Variants in NPS observed in about 807,000 individuals in gnomAD.
NPS encodes the protein neuropeptide S, also known as prepro-neuropeptide S.
A neutral mutation model predicts 7.2 loss-of-function variants in NPS; 6 were observed. The ratio of observed to expected loss-of-function variants is 0.83; its 90% CI spans 0.46 to 1.64. NPS has a LOEUF of 1.64. Among genes scored for constraint, NPS ranks in the 40% most tolerant of loss-of-function variants. The pLI, the probability that NPS is intolerant of heterozygous loss-of-function variation, is 0.01. For missense variants in NPS, 123 were observed against 97.8 expected, an observed-to-expected ratio of 1.26 and a Z score of -1.09; for synonymous variants, 42 against 36.7, an observed-to-expected ratio of 1.14 and a Z score of -0.52.
In NPS at chr10:127,552,872, A is replaced by G. The variant is rs1386770029; in HGVS notation, c.*233A>G. Among the ~76,000 whole-genome samples, 3 of 152,220 alleles carry G rather than the reference A, an allele frequency of 2.0e-5. No homozygotes were observed. The highest frequency in any genetic ancestry group is 4.4e-5 in the Non-Finnish European group (3 of 68,042). On this transcript the variant is annotated 3_prime_UTR_variant, in exon 3 of 3. Coordinates refer to ENST00000398023, the MANE Select transcript of NPS (RefSeq NM_001030013.2). ...GAAAAAACAATTTATGTGGTCCATT[A>G]GTAACTTTTTCCTGAATGGGATGGA...
At chr10:127,549,645 C>A in intron 2 of NPS, 75 bp downstream of exon 2, 1 of 913,878 alleles carries the variant, frequency 1.1e-6, no homozygotes. Flanking sequence ...CAAATACTTT[C>A]AAGGAATATG....
intron 2 of NPS, among the ~76,000 whole-genome samples, chr10:127,550,563 G>A (rs896564460): frequency 5.9e-5 from 9 of 152,014 alleles, no homozygotes; most frequent in Admixed American, 4.6e-4. Flanking sequence ...TTTCCCCAAA[G>A]GTTTACTCAT....
chr10:127,549,560 C>T lies in NPS; in HGVS notation c.80C>T (p.Pro27Leu), dbSNP rs1844838521. The change falls in exon 2 of 3, where the codon CCA (proline) becomes CTA (leucine). Residue 27 changes from proline (P) to leucine (L), a missense_variant. Transcript: ENST00000398023. The part of the protein sequence containing the change: ...TMHVFWCYPV[P>L]SSKVSGKSDY... ...CATGTGTTTTGGTGTTATCCAGTTC[C>T]ATCTTCTAAGGTAAGGATTTGCCTC... The T allele has an allele frequency of 6.3e-7, 1 of 1,596,326 alleles. No individual in the cohort carries two copies. Among genetic ancestry groups the T allele is most frequent in the Admixed American group, 1.7e-5 (1 of 59,984 alleles).
Position 127,552,653 on chromosome 10 carries a change from G to A in NPS, c.*14G>A. 1.3e-6 allele frequency: 2 copies of A among 1,581,826 alleles called. No homozygotes were observed. Among genetic ancestry groups the A allele is most frequent in the Non-Finnish European group, 1.7e-6 (2 of 1,151,736 alleles). On this transcript the variant is annotated 3_prime_UTR_variant, in exon 3 of 3. Transcript: ENST00000398023. ...GCAAAATCATGACTAAGTGTGCAAA[G>A]GACTCGGGGAATTAATCTAACTGTA...
intron 2 of NPS, among the ~76,000 whole-genome samples, chr10:127,551,676 TG>T (rs1844860437): frequency 6.6e-6 from 1 of 152,176 alleles, no homozygotes; most frequent in Admixed American, 6.5e-5. Context: ...TGGTGAAATT[TG>T]TATTAGCATC....
At position 127,552,955 on chromosome 10, in the gene NPS, G is replaced by A. The variant is rs1183771361; in HGVS notation, c.*316G>A. On this transcript the variant is annotated 3_prime_UTR_variant, in exon 3 of 3. Transcript: ENST00000398023. Reference sequence around the variant, plus strand: ...GCATGAGCATGTTGACAGTCATCACGATAGTATGATTTTTTTTTTCCTGCC... The same window carrying A: ...GCATGAGCATGTTGACAGTCATCACAATAGTATGATTTTTTTTTTCCTGCC... 6.6e-6 allele frequency among the ~76,000 whole-genome samples: 1 copy of A among 150,736 alleles called. No individual in the cohort carries two copies. The highest frequency in any genetic ancestry group is 1.5e-5 in the Non-Finnish European group (1 of 68,020).
chr10:127,549,921 TAA>T (rs1023671630), intron 2 of NPS, among the ~76,000 whole-genome samples: 124 of 152,316 alleles, frequency 8.1e-4, no homozygotes, highest in African/African-American at 2.9e-3. Flanking sequence ...ATATTAAAAA[TAA>T]AGTGGTCATT....
Position 127,552,584 on chromosome 10 carries a change from G to T in NPS, c.215G>T (p.Arg72Leu), listed in dbSNP as rs986285118. The T allele has an allele frequency of 6.2e-7, 1 of 1,613,520 alleles. No individual in the cohort carries two copies. The highest frequency in any genetic ancestry group is 8.5e-7 in the Non-Finnish European group (1 of 1,179,500). ...AAGATGTTTGTGAAAAGGTCCTTTCGCAATGGAGTTGGCACAGGGATGAAA... is the reference window on the plus strand; with the variant it reads ...AAGATGTTTGTGAAAAGGTCCTTTCTCAATGGAGTTGGCACAGGGATGAAA... ...LEKMFVKRSF[R>L]NGVGTGMKKT... Residue 72 changes from arginine to leucine, a missense_variant, in exon 3 of 3, where the codon CGC becomes CTC. Physicochemically the swap from Arg to Leu is moderately radical, Grantham distance 102. Transcript: ENST00000398023.
Position 127,549,314 on chromosome 10 carries a change from TG to T in NPS, c.-54del. ...CACCCAATGAGGGTCTGAGAGTAAG[TG>T]TGAGAAATTTGGCAATAAAACCACC... On this transcript the variant is annotated 5_prime_UTR_variant, in exon 1 of 3. Coordinates refer to ENST00000398023, the MANE Select transcript of NPS (RefSeq NM_001030013.2). The T allele has an allele frequency of 6.7e-7, 1 of 1,503,730 alleles. No individual in the cohort carries two copies. Among genetic ancestry groups the T allele is most frequent in the South Asian group, 1.1e-5 (1 of 88,158 alleles). 93.1% of individuals were successfully genotyped at this position (1,503,730 alleles called of 1,614,324 possible).
chr10:127,550,222 G>C (rs865819122), intron 2 of NPS, among the ~76,000 whole-genome samples: 2 of 151,880 alleles, frequency 1.3e-5, no homozygotes, highest in African/African-American at 4.8e-5. Context: ...TCACTAAAAC[G>C]TAACCTGTCA....
In NPS at chr10:127,553,208, TC is replaced by T. The variant is rs1295116610; in HGVS notation, c.*572del. Reference sequence around the variant, plus strand: ...GAGCACTCTAGATGTAATTCTTGTCTCCCTTTTCCTATTCCAAATATACTTA... The same window carrying T: ...GAGCACTCTAGATGTAATTCTTGTCTCCTTTTCCTATTCCAAATATACTTA... On this transcript the variant is annotated 3_prime_UTR_variant, in exon 3 of 3. Transcript: ENST00000398023. 2.0e-5 allele frequency among the ~76,000 whole-genome samples: 3 copies of T among 152,204 alleles called. No individual in the cohort carries two copies. Among genetic ancestry groups the T allele is most frequent in the Non-Finnish European group, 4.4e-5 (3 of 68,042 alleles).
chr10:127,549,922 A>C (rs1275356340), intron 2 of NPS, among the ~76,000 whole-genome samples: 1 of 151,996 alleles, frequency 6.6e-6, no homozygotes, highest in African/African-American at 2.4e-5. Flanking sequence ...TATTAAAAAT[A>C]AAGTGGTCAT....
At chr10:127,550,939 G>C (rs892668107) in intron 2 of NPS, among the ~76,000 whole-genome samples, 3 of 152,182 alleles carry the variant, frequency 2.0e-5, no homozygotes, top group Admixed American at 1.3e-4. Context: ...TCGACGATCA[G>C]CAAAGTGCAT....
At position 127,553,406 on chromosome 10, in the gene NPS, C is replaced by T. The variant is rs906268173; in HGVS notation, c.*767C>T. 2.0e-5 allele frequency among the ~76,000 whole-genome samples: 3 copies of T among 152,202 alleles called. No individual in the cohort carries two copies. Among genetic ancestry groups the T allele is most frequent in the Admixed American group, 2.0e-4 (3 of 15,288 alleles). On this transcript the variant is annotated 3_prime_UTR_variant, in exon 3 of 3. Transcript: ENST00000398023. ...CAAACTATGCTGATTAATGCCCTCT[C>T]CTTTCCCCCATCCTTCCAGGAAAGA...
rs893454354 is a variant in NPS at position 127,553,197 on chromosome 10, T to A, written c.*558T>A. 4.6e-5 allele frequency among the ~76,000 whole-genome samples: 7 copies of A among 152,188 alleles called. No individual in the cohort carries two copies. Among genetic ancestry groups the A allele is most frequent in the African/African-American group, 1.7e-4 (7 of 41,456 alleles). The stretch of plus-strand genomic sequence containing the variant: ...AAACATCCCTGGAGCACTCTAGATG[T>A]AATTCTTGTCTCCCTTTTCCTATTC... On this transcript the variant is annotated 3_prime_UTR_variant, in exon 3 of 3. Transcript: ENST00000398023.
At position 127,552,954 on chromosome 10, in the gene NPS, C is replaced by A. The variant is rs563767750; in HGVS notation, c.*315C>A. On this transcript the variant is annotated 3_prime_UTR_variant, in exon 3 of 3. Coordinates refer to ENST00000398023, the MANE Select transcript of NPS (RefSeq NM_001030013.2). ...AGCATGAGCATGTTGACAGTCATCA[C>A]GATAGTATGATTTTTTTTTTCCTGC... Among the ~76,000 whole-genome samples the A allele has an allele frequency of 1.3e-5, 2 of 150,836 alleles. No individual in the cohort carries two copies. Among genetic ancestry groups the A allele is most frequent in the African/African-American group, 5.0e-5 (2 of 40,252 alleles).
At chr10:127,551,234 C>T (rs1565126490) in intron 2 of NPS, among the ~76,000 whole-genome samples, 1 of 149,676 alleles carries the variant, frequency 6.7e-6, no homozygotes, top group South Asian at 2.1e-4. Flanking sequence ...TCTGACCAAA[C>T]TCTCTGAGAT....
chr10:127,552,389 T>G, intron 2 of NPS, 71 bp from the exon 3 acceptor site: 1 of 857,900 alleles, frequency 1.2e-6, no homozygotes, highest in South Asian at 1.8e-5. Context: ...ATTTTGAAAA[T>G]TGTTACTGTT....
chr10:127,551,071 G>A (rs1426150616), intron 2 of NPS, among the ~76,000 whole-genome samples: 5 of 152,174 alleles, frequency 3.3e-5, no homozygotes, highest in African/African-American at 1.2e-4. Flanking sequence ...TTCCTGCAAT[G>A]ACTCAGAGGC....
Sources: gnomAD v4.1 joint callset for allele counts (sites outside exome capture counted in the v4.1 genomes callset) on GRCh38, gnomAD v4.1.1 for gene constraint, MANE v1.5 for transcripts, NCBI Gene and HGNC (gene_info 2026-07-23, HGNC 2026-07-21) for gene names.